TYW1B: variants seen among roughly 807,000 people sequenced by gnomAD.
The protein encoded by TYW1B is tRNA-yW synthesizing protein 1 homolog B.
A neutral mutation model predicts 86.9 loss-of-function variants in TYW1B; 73 were observed. The ratio of observed to expected loss-of-function variants is 0.84; its 90% CI spans 0.70 to 1.02. The LOEUF is 1.02. Ranked by LOEUF, TYW1B falls within the 50% of genes least tolerant of loss-of-function variation. TYW1B has a pLI of 0.00. For synonymous variants in TYW1B, 248 were observed against 292.8 expected, an observed-to-expected ratio of 0.85 and a Z score of 1.56; for missense variants, 637 against 827.4, an observed-to-expected ratio of 0.77 and a Z score of 2.82.
In TYW1B at chr7:72,632,337, GTA is replaced by G. The variant is rs1183826001; in HGVS notation, c.1507-3342_1507-3341del. ...TTATATATATTATATATATATACACGTATATATATTATATATATTATATATAT... is the reference window on the plus strand; with the variant it reads ...TTATATATATTATATATATATACACGTATATATTATATATATTATATATAT... On this transcript the variant is annotated intron_variant, in intron 11 of 13. Coordinates refer to ENST00000620995, the MANE Select transcript of TYW1B (RefSeq NM_001145440.3). Among the ~76,000 whole-genome samples the G allele has an allele frequency of 3.4e-5, 3 of 88,988 alleles. 1 individual carries two copies. The highest frequency in any genetic ancestry group is 1.1e-4 in the African/African-American group (2 of 18,740). The allele number at this position is 88,988 out of a possible 152,430, so 58.4% of individuals were successfully genotyped here. A position where few individuals can be genotyped will look rare whatever the true frequency, so the allele number is the denominator to read the frequency against.
chr7:72,622,570 T>A (rs533297010), intron 12 of TYW1B, among the ~76,000 whole-genome samples: 4 of 152,128 alleles, frequency 2.6e-5, no homozygotes, highest in African/African-American at 7.2e-5. Flanking sequence ...GAGACTCTAG[T>A]AAGTGCAGAC....
chr7:72,707,448 G>A (rs2129570585), intron 10 of TYW1B, among the ~76,000 whole-genome samples: 1 of 152,322 alleles, frequency 6.6e-6, no homozygotes, highest in East Asian at 1.9e-4. Context: ...AGTTTGAGAT[G>A]GGTGGTTGCA....
chr7:72,760,440 C>T (rs1263221717), intron 7 of TYW1B, among the ~76,000 whole-genome samples: 1 of 152,128 alleles, frequency 6.6e-6, no homozygotes, highest in African/African-American at 2.4e-5. Flanking sequence ...GTCTTATAAA[C>T]CAGTGAGTTT....
chr7:72,577,257 T>G (rs1218550639), intron 13 of TYW1B, among the ~76,000 whole-genome samples: 2 of 152,056 alleles, frequency 1.3e-5, no homozygotes, highest in African/African-American at 4.8e-5. Context: ...TATGTTGAAT[T>G]TAAATGACAT....
chr7:72,784,321 G>C (rs782244602), intron 6 of TYW1B, among the ~76,000 whole-genome samples: 10 of 152,220 alleles, frequency 6.6e-5, no homozygotes, highest in Non-Finnish European at 1.3e-4. Flanking sequence ...CAGACAGATG[G>C]AGTCCAGGCT....
Position 72,694,674 on chromosome 7 carries a change from T to C in TYW1B, c.1506+13A>G. ...GGGTTGTTTATTTATTTTTAAGATG[T>C]CATAATTCTTACCTTGACTGCCAAG... is the stretch of plus-strand genomic sequence containing the variant. On this transcript the variant is annotated intron_variant, in intron 11 of 13. Coordinates refer to ENST00000620995, the MANE Select transcript of TYW1B (RefSeq NM_001145440.3). 1 of 1,597,348 alleles carries C rather than the reference T, an allele frequency of 6.3e-7. No individual in the cohort carries two copies. Among genetic ancestry groups the C allele is most frequent in the South Asian group, 1.1e-5 (1 of 87,056 alleles).
intron 6 of TYW1B, 42 bp from the exon 7 acceptor site, chr7:72,777,575 G>A (rs782168089): frequency 1.2e-6 from 2 of 1,608,920 alleles, no homozygotes; most frequent in African/African-American, 2.7e-5. Context: ...TTGGCAATGT[G>A]CAATGTAAAT....
chr7:72,615,742 T>C (rs567651001), intron 13 of TYW1B, among the ~76,000 whole-genome samples: 1 of 151,888 alleles, frequency 6.6e-6, no homozygotes, highest in Non-Finnish European at 1.5e-5. Flanking sequence ...TTATACAAAA[T>C]AGCATTTTTG....
chr7:72,794,529 C>T (rs1445586225), intron 6 of TYW1B, among the ~76,000 whole-genome samples: 1 of 151,646 alleles, frequency 6.6e-6, no homozygotes, highest in East Asian at 1.9e-4. Flanking sequence ...GCACCCCAGC[C>T]TGGATGAGAC....
intron 7 of TYW1B, among the ~76,000 whole-genome samples, chr7:72,751,071 T>C (rs1554464978): frequency 3.3e-5 from 5 of 151,694 alleles, no homozygotes; most frequent in Non-Finnish European, 7.4e-5. Flanking sequence ...AGAGTCTAGC[T>C]CTGTCACCCA....
At chr7:72,653,048 C>T (rs1285881795) in intron 11 of TYW1B, among the ~76,000 whole-genome samples, 1 of 152,072 alleles carries the variant, frequency 6.6e-6, no homozygotes, top group Non-Finnish European at 1.5e-5. Flanking sequence ...GACAAAGGAT[C>T]ATGATATATT....
intron 7 of TYW1B, among the ~76,000 whole-genome samples, chr7:72,750,002 T>C (rs201831653): frequency 0.93 from 139,599 of 149,368 alleles, 65,330 homozygotes; most frequent in African/African-American, 0.98. Context: ...TGATCCTCCC[T>C]CACAGCCTCC....
intron 11 of TYW1B, among the ~76,000 whole-genome samples, chr7:72,687,484 T>C (rs1326310557): frequency 6.6e-6 from 1 of 152,042 alleles, no homozygotes; most frequent in Non-Finnish European, 1.5e-5. Flanking sequence ...AGAAGATATA[T>C]TCAGTACCTG....
At chr7:72,614,912 A>C (rs1362967431) in intron 13 of TYW1B, among the ~76,000 whole-genome samples, 3 of 152,228 alleles carry the variant, frequency 2.0e-5, no homozygotes, top group Non-Finnish European at 2.9e-5. Context: ...AAAGCTAGAC[A>C]GGGGCCAAGA....
intron 3 of TYW1B, among the ~76,000 whole-genome samples, chr7:72,814,444 C>T (rs751535426): frequency 9.9e-5 from 15 of 151,886 alleles, no homozygotes; most frequent in Non-Finnish European, 7.4e-5. Flanking sequence ...ATTAGCCGGG[C>T]GTGGTGGCGT....
intron 3 of TYW1B, 113 bp downstream of exon 3, chr7:72,815,267 G>A (rs1443409014): frequency 3.4e-5 from 33 of 980,780 alleles, no homozygotes; most frequent in Middle Eastern, 3.3e-4. Flanking sequence ...AAATCCCTTA[G>A]CACGAAAATT....
At chr7:72,722,806 C>T in intron 9 of TYW1B, 1 of 455,856 alleles carries the variant, frequency 2.2e-6, no homozygotes, top group South Asian at 2.7e-5. Flanking sequence ...GGCAGGCGTT[C>T]TTTGTCATGG....
chr7:72,693,409 C>CTTTT (rs35021264), intron 11 of TYW1B, among the ~76,000 whole-genome samples: 3 of 129,448 alleles, frequency 2.3e-5, no homozygotes, highest in East Asian at 2.2e-4. Context: ...TTGCAGACAT[C>CTTTT]TTTTTTTTTT....
intron 13 of TYW1B, among the ~76,000 whole-genome samples, chr7:72,587,042 A>G (rs1319291687): frequency 4.6e-5 from 7 of 152,162 alleles, no homozygotes; most frequent in African/African-American, 9.7e-5. Context: ...TCTTAGTGTC[A>G]ATTATTATTT....
Sources: gnomAD v4.1 joint callset for allele counts (sites outside exome capture counted in the v4.1 genomes callset) on GRCh38, gnomAD v4.1.1 for gene constraint, MANE v1.5 for transcripts, NCBI Gene and HGNC (gene_info 2026-07-23, HGNC 2026-07-21) for gene names.